Variants in BAIAP2 observed in about 807,000 individuals in gnomAD.
The protein encoded by BAIAP2 is BAR/IMD domain containing adaptor protein 2.
Under a neutral mutation model 63.0 loss-of-function variants are expected in BAIAP2, and 18 were observed. The ratio of observed to expected loss-of-function variants is 0.29; its 90% CI spans 0.20 to 0.42. The LOEUF (loss-of-function observed/expected upper bound fraction) is 0.42. BAIAP2 is among the 10% of genes least tolerant of loss of function. BAIAP2 has a pLI of 1.00. For synonymous variants in BAIAP2, 386 were observed against 307.6 expected, an observed-to-expected ratio of 1.25 and a Z score of -2.67; for missense variants, 610 against 734.3, an observed-to-expected ratio of 0.83 and a Z score of 1.96.
At chr17:81,053,472 C>A in intron 1 of BAIAP2, 196 bp from the exon 2 acceptor site, 1 of 617,546 alleles carries the variant, frequency 1.6e-6, no homozygotes, top group Non-Finnish European at 2.9e-6. Flanking sequence ...AACCGAGGCT[C>A]AGGAAGGTCA....
chr17:81,100,815 C>T (rs566586883), intron 7 of BAIAP2, among the ~76,000 whole-genome samples: 1 of 152,242 alleles, frequency 6.6e-6, no homozygotes, highest in Non-Finnish European at 1.5e-5. Context: ...AGTGGCCTCC[C>T]TGGGACTCAA....
intron 3 of BAIAP2, among the ~76,000 whole-genome samples, chr17:81,072,580 GAGA>G (rs1254828609): frequency 6.6e-6 from 1 of 152,202 alleles, no homozygotes; most frequent in East Asian, 1.9e-4. Context: ...GCCCCTGTCC[GAGA>G]AGGAGGCTAA....
At chr17:81,084,176 T>C (rs887406381) in intron 3 of BAIAP2, among the ~76,000 whole-genome samples, 1 of 152,202 alleles carries the variant, frequency 6.6e-6, no homozygotes, top group African/African-American at 2.4e-5. Context: ...CCCTCAGCGA[T>C]GGCAAGGCGA....
intron 2 of BAIAP2, among the ~76,000 whole-genome samples, chr17:81,054,405 G>T (rs183929489): frequency 6.6e-6 from 1 of 152,206 alleles, no homozygotes; most frequent in African/African-American, 2.4e-5. Context: ...CTGGTCAGGA[G>T]CGAAAGGAGG....
Position 81,051,120 on chromosome 17 carries a change from G to A in BAIAP2, c.55-2548G>A, listed in dbSNP as rs1403947140. On this transcript the variant is annotated intron_variant, in intron 1 of 13. Transcript: ENST00000428708. ...CCCAGGCACTCCTGGGAGTTAAAGT[G>A]TCCAGGCTCCTGGTTCATTGCTGAG... Among the ~76,000 whole-genome samples, 8 of 150,852 alleles carry A rather than the reference G, an allele frequency of 5.3e-5. 1 individual carries two copies. The East Asian group carries it at 1.6e-3, about 30-fold the overall frequency.
chr17:81,088,771 C>T (rs958641656), intron 6 of BAIAP2, among the ~76,000 whole-genome samples: 5 of 152,260 alleles, frequency 3.3e-5, no homozygotes, highest in Non-Finnish European at 5.9e-5. Context: ...CTCCATCCTG[C>T]TCAGGGCCAG....
intron 5 of BAIAP2, 68 bp downstream of exon 5, chr17:81,085,793 C>T: frequency 2.4e-6 from 3 of 1,276,236 alleles, no homozygotes; most frequent in South Asian, 2.5e-5. Flanking sequence ...ATGCCTGCCA[C>T]TCCTTCCTCG....
intron 3 of BAIAP2, 134 bp downstream of exon 3, chr17:81,058,101 C>A: frequency 5.3e-6 from 4 of 749,314 alleles, no homozygotes; most frequent in Non-Finnish European, 8.3e-6. Flanking sequence ...ATTTTAATGA[C>A]AGTCACCCTG....
intron 3 of BAIAP2, among the ~76,000 whole-genome samples, chr17:81,058,244 A>C (rs954031944): frequency 2.4e-4 from 37 of 152,254 alleles, no homozygotes; most frequent in African/African-American, 8.9e-4. Flanking sequence ...AGCGGCTGAC[A>C]TGGGGGTCTG....
intron 1 of BAIAP2, among the ~76,000 whole-genome samples, chr17:81,047,257 C>T (rs568517600): frequency 5.2e-4 from 79 of 152,200 alleles, no homozygotes; most frequent in Non-Finnish European, 7.6e-4. Flanking sequence ...AGCCAGGACT[C>T]TGGGCTCCAC....
At chr17:81,113,518 G>GGT (rs1012959157) in intron 13 of BAIAP2, among the ~76,000 whole-genome samples, 6 of 152,194 alleles carry the variant, frequency 3.9e-5, no homozygotes, top group African/African-American at 1.4e-4. Flanking sequence ...ACAGCTGGGG[G>GGT]GTGGGGGCCA....
intron 3 of BAIAP2, among the ~76,000 whole-genome samples, chr17:81,064,438 T>C (rs2051115955): frequency 6.6e-6 from 1 of 152,184 alleles, no homozygotes; most frequent in African/African-American, 2.4e-5. Context: ...CTGAGCTCTG[T>C]TCTTCCTGGG....
At chr17:81,047,786 G>C (rs1176982518) in intron 1 of BAIAP2, among the ~76,000 whole-genome samples, 2 of 124,510 alleles carry the variant, frequency 1.6e-5, no homozygotes, top group South Asian at 2.6e-4. Flanking sequence ...CACAGGCCCA[G>C]CTCATGCCCA....
chr17:81,080,032 G>A (rs1356841917), intron 3 of BAIAP2, among the ~76,000 whole-genome samples: 8 of 152,318 alleles, frequency 5.3e-5, no homozygotes, highest in Middle Eastern at 3.4e-3. Flanking sequence ...TCGCTACTCC[G>A]TCTTCAGGCC....
At chr17:81,073,370 TC>T (rs2053047897) in intron 3 of BAIAP2, among the ~76,000 whole-genome samples, 1 of 152,166 alleles carries the variant, frequency 6.6e-6, no homozygotes, top group African/African-American at 2.4e-5. Context: ...GCTGTGCTGC[TC>T]CCCTCACCCT....
chr17:81,110,835 C>T, intron 13 of BAIAP2: 2 of 1,569,934 alleles, frequency 1.3e-6, no homozygotes, highest in Non-Finnish European at 1.8e-6. Flanking sequence ...TGGCAGCTCG[C>T]CCGTGGTCCC....
At chr17:81,085,030 T>G in intron 4 of BAIAP2, 137 bp downstream of exon 4, 1 of 864,746 alleles carries the variant, frequency 1.2e-6, no homozygotes, top group East Asian at 2.6e-5. Flanking sequence ...GGACCCTGGC[T>G]CAGCACACAA....
At chr17:81,096,351 C>T (rs539787838) in intron 6 of BAIAP2, among the ~76,000 whole-genome samples, 12 of 152,224 alleles carry the variant, frequency 7.9e-5, no homozygotes, top group African/African-American at 1.9e-4. Flanking sequence ...GGGGTTTCTC[C>T]ATGGAACCTC....
intron 3 of BAIAP2, among the ~76,000 whole-genome samples, chr17:81,078,066 C>T (rs1043908824): frequency 7.2e-6 from 1 of 138,126 alleles, no homozygotes; most frequent in Non-Finnish European, 1.5e-5. Flanking sequence ...GTGCCAGTGC[C>T]ATCTTAGATC....
Sources: gnomAD v4.1 joint callset for allele counts (sites outside exome capture counted in the v4.1 genomes callset) on GRCh38, gnomAD v4.1.1 for gene constraint, MANE v1.5 for transcripts, NCBI Gene and HGNC (gene_info 2026-07-23, HGNC 2026-07-21) for gene names.